The following TMTC1 variants were observed in gnomAD, a reference collection of about 807,000 sequenced individuals.
TMTC1 encodes the protein protein O-mannosyl-transferase TMTC1.
A neutral mutation model predicts 104.8 loss-of-function variants in TMTC1; 73 were observed. The observed-to-expected ratio is 0.70, with a 90% CI of 0.58 to 0.85. TMTC1 has a LOEUF of 0.85. Ranked by LOEUF, TMTC1 falls within the 40% of genes least tolerant of loss-of-function variation. TMTC1 has a pLI of 0.00. For synonymous variants in TMTC1, 434 were observed against 428.7 expected (o/e 1.01, Z -0.15); for missense variants, 1,035 against 1,096.1 (o/e 0.94, Z 0.79).
chr12:29,680,828 A>G (rs1363248631), intron 5 of TMTC1, among the ~76,000 whole-genome samples: 1 of 152,096 alleles, frequency 6.6e-6, no homozygotes, highest in Non-Finnish European at 1.5e-5. Flanking sequence ...TAAATAAGCA[A>G]TGAAGGTCTA....
At chr12:29,591,927 A>ACAAAACAAAG (rs1555173393) in intron 7 of TMTC1, among the ~76,000 whole-genome samples, 1 of 152,068 alleles carries the variant, frequency 6.6e-6, no homozygotes, top group Non-Finnish European at 1.5e-5. Flanking sequence ...ACAAAACAAA[A>ACAAAACAAAG]CAAAACACTT....
At chr12:29,758,095 T>A (rs534520612) in intron 3 of TMTC1, among the ~76,000 whole-genome samples, 1 of 152,310 alleles carries the variant, frequency 6.6e-6, no homozygotes, top group African/African-American at 2.4e-5. Flanking sequence ...CTCCTTTCTC[T>A]ATATGGACAT....
At chr12:29,662,080 C>T (rs747811816) in intron 5 of TMTC1, among the ~76,000 whole-genome samples, 14 of 152,130 alleles carry the variant, frequency 9.2e-5, no homozygotes, top group African/African-American at 2.7e-4. Flanking sequence ...AAATTCTACA[C>T]GGAAAATACA....
chr12:29,573,598 C>T (rs1403894998), intron 8 of TMTC1, among the ~76,000 whole-genome samples: 1 of 152,126 alleles, frequency 6.6e-6, no homozygotes, highest in Non-Finnish European at 1.5e-5. Flanking sequence ...AGAATGGGAT[C>T]AAGAGGAGGC....
chr12:29,673,499 C>T (rs1940596514), intron 5 of TMTC1, among the ~76,000 whole-genome samples: 1 of 152,098 alleles, frequency 6.6e-6, no homozygotes, highest in Non-Finnish European at 1.5e-5. Context: ...TAATTTCCTT[C>T]TAGACCTAAG....
At chr12:29,676,794 G>A (rs895257814) in intron 5 of TMTC1, among the ~76,000 whole-genome samples, 1 of 152,220 alleles carries the variant, frequency 6.6e-6, no homozygotes, top group African/African-American at 2.4e-5. Flanking sequence ...CCCTCGTGCA[G>A]CCAAATGAAG....
rs59743476 is a variant in TMTC1, at chr12:29,574,359, G to GT, written c.1419-2142dup. Among the ~76,000 whole-genome samples, 1,125 of 152,002 alleles carry GT rather than the reference G, an allele frequency of 7.4e-3. 34 individuals carry two copies. Among genetic ancestry groups the GT allele is most frequent in the East Asian group, 0.046 (238 of 5,158 alleles). On this transcript the variant is annotated intron_variant, in intron 8 of 17. Transcript: ENST00000539277. ...CTTTCCCTATACTAAGCCTGGGCCA[G>GT]TTTTTTTTGTTTTTCAAATGCAGGT...
chr12:29,664,078 T>G (rs1221868733), intron 5 of TMTC1, among the ~76,000 whole-genome samples: 2 of 149,852 alleles, frequency 1.3e-5, no homozygotes, highest in African/African-American at 4.9e-5. Context: ...TCCCAGCTAC[T>G]TGGGAGGCTG....
chr12:29,723,445 G>A (rs540039136), intron 5 of TMTC1, among the ~76,000 whole-genome samples: 164 of 152,296 alleles, frequency 1.1e-3, no homozygotes, highest in African/African-American at 3.7e-3. Flanking sequence ...ACCAAGCCAG[G>A]AGCAGTGGCT....
At chr12:29,655,908 TTAAAA>T (rs1939731460) in intron 5 of TMTC1, among the ~76,000 whole-genome samples, 1 of 152,120 alleles carries the variant, frequency 6.6e-6, no homozygotes, top group South Asian at 2.1e-4. Context: ...TATACCTACT[TTAAAA>T]TAAGAAACAA....
In TMTC1 at chr12:29,553,782, G is replaced by C. The variant is rs563486696; in HGVS notation, c.1676+3075C>G. Reference sequence around the variant, plus strand: ...TTTTAACTCACATGTACTAATTTAAGATGTTAGCAGTGATAAGATGAAAAT... The same window carrying C: ...TTTTAACTCACATGTACTAATTTAACATGTTAGCAGTGATAAGATGAAAAT... On this transcript the variant is annotated intron_variant, in intron 10 of 17. Transcript: ENST00000539277. Among the ~76,000 whole-genome samples, 38 of 152,292 alleles carry C rather than the reference G, an allele frequency of 2.5e-4. 1 individual carries two copies. Among genetic ancestry groups the C allele is most frequent in the South Asian group, 2.5e-3 (12 of 4,822 alleles).
intron 5 of TMTC1, among the ~76,000 whole-genome samples, chr12:29,662,429 A>C (rs1286737379): frequency 6.6e-6 from 1 of 152,054 alleles, no homozygotes; most frequent in Non-Finnish European, 1.5e-5. Context: ...AGGCAGGCGG[A>C]TCACGAGGTC....
At chr12:29,742,186 G>T (rs529335100) in intron 5 of TMTC1, among the ~76,000 whole-genome samples, 2 of 152,272 alleles carry the variant, frequency 1.3e-5, no homozygotes, top group Admixed American at 1.3e-4. Flanking sequence ...GTTACCTAGA[G>T]CATGTCTAGC....
intron 5 of TMTC1, among the ~76,000 whole-genome samples, chr12:29,680,750 T>C (rs944158663): frequency 6.6e-6 from 1 of 152,174 alleles, no homozygotes; most frequent in African/African-American, 2.4e-5. Flanking sequence ...ACAAGAGATA[T>C]GGTGCCTTGT....
intron 6 of TMTC1, among the ~76,000 whole-genome samples, chr12:29,630,422 T>C (rs907949005): frequency 3.9e-5 from 6 of 152,254 alleles, no homozygotes; most frequent in African/African-American, 1.2e-4. Flanking sequence ...AAGAACAGCA[T>C]GTGGGTAACT....
At chr12:29,644,455 C>G (rs1238197966) in intron 5 of TMTC1, among the ~76,000 whole-genome samples, 1 of 151,736 alleles carries the variant, frequency 6.6e-6, no homozygotes, top group Non-Finnish European at 1.5e-5. Flanking sequence ...TCACAAATCA[C>G]CACTAAGGAA....
At chr12:29,604,154 G>C (rs771449115) in intron 7 of TMTC1, 24 bp downstream of exon 7, 26 of 1,612,326 alleles carry the variant, frequency 1.6e-5, no homozygotes, top group Non-Finnish European at 2.1e-5. Context: ...GGTCTTGTAG[G>C]AGGAAGTCAC....
chr12:29,679,253 T>G (rs1294623139), intron 5 of TMTC1, among the ~76,000 whole-genome samples: 1 of 151,708 alleles, frequency 6.6e-6, no homozygotes, highest in African/African-American at 2.4e-5. Flanking sequence ...AACAACAGAT[T>G]AGTGAGCTAT....
intron 6 of TMTC1, among the ~76,000 whole-genome samples, chr12:29,618,739 C>A (rs1372142074): frequency 1.3e-5 from 2 of 152,032 alleles, no homozygotes; most frequent in Non-Finnish European, 2.9e-5. Flanking sequence ...GTTTTAGCTG[C>A]TTTTATCTCT....
Sources: allele counts gnomAD v4.1 joint callset (sites outside exome capture counted in the v4.1 genomes callset), GRCh38; gene constraint gnomAD v4.1.1; transcripts MANE v1.5; gene names NCBI Gene and HGNC (gene_info 2026-07-23, HGNC 2026-07-21).